Variants in TMEM8B observed in about 807,000 individuals in gnomAD.
TMEM8B encodes nasopharyngeal carcinoma expressed 6.
A neutral mutation model predicts 49.3 loss-of-function variants in TMEM8B; 29 were observed. The ratio of observed to expected loss-of-function variants is 0.59; its 90% confidence interval spans 0.44 to 0.80. The LOEUF (loss-of-function observed/expected upper bound fraction) is 0.80. TMEM8B is among the 30% of genes least tolerant of loss of function. The pLI is 0.00. For synonymous variants in TMEM8B, 264 were observed against 272.8 expected (o/e 0.97, Z 0.32); for missense variants, 575 against 658.5 (o/e 0.87, Z 1.39).
rs1260399456 is a variant in TMEM8B, at chr9:35,857,719, C to G, written c.*3879C>G. 1 of 152,190 alleles carries G rather than the reference C, an allele frequency of 6.6e-6. No individual in the cohort carries two copies. Among genetic ancestry groups the G allele is most frequent in the Non-Finnish European group, 1.5e-5 (1 of 68,054 alleles). The allele number at this position is 152,190 out of a possible 1,614,324, so 9.4% of individuals were successfully genotyped here. ...ACTATGAGTGATAAAAAGATTAGAC[C>G]TTTACAGTCATGGGAGCAGTTGGAG... On this transcript the variant is annotated 3_prime_UTR_variant, in exon 13 of 13. Coordinates refer to ENST00000643932, the MANE Select transcript of TMEM8B (RefSeq NM_001042590.4).
chr9:35,843,605 C>T (rs1041311850), intron 6 of TMEM8B, among the ~76,000 whole-genome samples: 6 of 152,208 alleles, frequency 3.9e-5, no homozygotes, highest in Admixed American at 1.3e-4. Context: ...TGTGGGATCA[C>T]CTAGGGCTTG....
chr9:35,853,049 G>T lies in TMEM8B; in HGVS notation c.2322+76G>T, dbSNP rs1207750636. 7 of 1,609,318 alleles carry T rather than the reference G, an allele frequency of 4.3e-6. No homozygotes were observed. The highest frequency in any genetic ancestry group is 1.7e-4 in the Middle Eastern group (1 of 6,042). ...ATCCACTCCTGACCTCTCCCTGGGG[G>T]CATTTCCAAGTGCCTCTCATGATTC... On this transcript the variant is annotated intron_variant, in intron 11 of 12. Coordinates refer to ENST00000643932, the MANE Select transcript of TMEM8B (RefSeq NM_001042590.4). The surrounding 1 kb of genome is among the most constrained non-coding windows in gnomAD (Gnocchi z 4.2).
At position 35,858,393 on chromosome 9, in the gene TMEM8B, C is replaced by G; in HGVS notation, c.*4553C>G. 1 of 152,450 alleles carries G rather than the reference C, an allele frequency of 6.6e-6. No individual in the cohort carries two copies. The highest frequency in any genetic ancestry group is 2.4e-5 in the African/African-American group (1 of 41,544). 9.4% of individuals were successfully genotyped at this position (152,450 alleles called of 1,614,324 possible). A position where few individuals can be genotyped will look rare whatever the true frequency, so the allele number is the denominator to read the frequency against. On this transcript the variant is annotated 3_prime_UTR_variant, in exon 13 of 13. Coordinates refer to ENST00000643932, the MANE Select transcript of TMEM8B (RefSeq NM_001042590.4). Reference sequence around the variant, plus strand: ...GGTATGAGCCACCACACCTGGCCCACTTTTGCCTTCCAAATCACATGCAAA... The same window carrying G: ...GGTATGAGCCACCACACCTGGCCCAGTTTTGCCTTCCAAATCACATGCAAA...
At chr9:35,833,345 T>C (rs1288137116) in intron 1 of TMEM8B, 1 of 985,162 alleles carries the variant, frequency 1.0e-6, no homozygotes, top group Non-Finnish European at 1.2e-6. Flanking sequence ...GGAGGTGTCA[T>C]CTTGGGCTTC....
intron 6 of TMEM8B, among the ~76,000 whole-genome samples, chr9:35,844,403 A>G (rs1831318373): frequency 6.6e-6 from 1 of 152,214 alleles, no homozygotes; most frequent in South Asian, 2.1e-4. Flanking sequence ...TCCCTGAGCC[A>G]GGGATCCTTT....
At chr9:35,852,744 C>A in intron 10 of TMEM8B, 83 bp from the exon 11 acceptor site, 1 of 1,544,860 alleles carries the variant, frequency 6.5e-7, no homozygotes, top group Non-Finnish European at 8.9e-7. Context: ...CAGCAGCACA[C>A]CACCCCTGGG....
chr9:35,829,672 G>T lies in TMEM8B; in HGVS notation c.225G>T (p.Gln75His). 2.5e-6 allele frequency: 1 copy of T among 401,778 alleles called. No individual in the cohort carries two copies. The highest frequency in any genetic ancestry group is 4.4e-6 in the Non-Finnish European group (1 of 226,770). The allele number at this position is 401,778 out of a possible 1,614,324, so 24.9% of individuals were successfully genotyped here. The change falls in exon 1 of 13, where the codon CAG becomes CAT. Residue 75 changes from glutamine (Q) to histidine (H), a missense_variant. Gln to His is a conservative substitution (Grantham distance 24). Transcript: ENST00000643932. ...PAQALSQPHSQCLLKALAQPR... is the reference protein window; with the variant it reads ...PAQALSQPHSHCLLKALAQPR... ...AGGCCCTGTCCCAGCCCCATTCCCA[G>T]TGTTTGCTTAAGGCCCTGGCTCAAC...
chr9:35,829,362 A>AC lies in TMEM8B; in HGVS notation c.-80dup, dbSNP rs1487554059. 4 of 341,326 alleles carry AC rather than the reference A, an allele frequency of 1.2e-5. No homozygotes were observed. The highest frequency in any genetic ancestry group is 4.3e-5 in the East Asian group (1 of 23,440). The allele number at this position is 341,326 out of a possible 1,614,324, so 21.1% of individuals were successfully genotyped here. On this transcript the variant is annotated 5_prime_UTR_variant, in exon 1 of 13. Transcript: ENST00000643932. ...CGGGCCCGCGAGGACACCGGAGGCC[A>AC]CCCCCCGGGGGTGGGGAGCGGAGCC...
chr9:35,830,069 T>C (rs972859055), intron 1 of TMEM8B, 114 bp downstream of exon 1: 5 of 403,946 alleles, frequency 1.2e-5, no homozygotes, highest in Non-Finnish European at 2.2e-5. Context: ...GGGGAGCAAG[T>C]GGGAGAAATA....
intron 6 of TMEM8B, chr9:35,845,719 T>G: frequency 1.0e-6 from 1 of 985,466 alleles, no homozygotes; most frequent in Non-Finnish European, 1.2e-6. Context: ...ATTGAAACAC[T>G]TCTGCCCAAA....
rs1411338750 is a variant in TMEM8B at position 35,834,535 on chromosome 9, G to A, written c.583G>A (p.Glu195Lys). Reference protein sequence around the residue: ...LSPFRSFASTELFHFHVPEDT... With the variant: ...LSPFRSFASTKLFHFHVPEDT... ...TCCTTTCCGCTCCTTTGCCAGCACC[G>A]AGCTCTTCCACTTCCATGTTCCTGA... Residue 195 changes from glutamate (E) to lysine (K), a missense_variant, in exon 2 of 13, where the codon GAG becomes AAG. Coordinates refer to ENST00000643932, the MANE Select transcript of TMEM8B (RefSeq NM_001042590.4). 9 of 415,398 alleles carry A rather than the reference G, an allele frequency of 2.2e-5. No homozygotes were observed. Among genetic ancestry groups the A allele is most frequent in the Non-Finnish European group, 8.8e-6 (2 of 226,344 alleles). The allele number at this position is 415,398 out of a possible 1,614,324, so 25.7% of individuals were successfully genotyped here.
At position 35,829,357 on chromosome 9, in the gene TMEM8B, A is replaced by C; in HGVS notation, c.-91A>C. The C allele has an allele frequency of 1.7e-5, 6 of 359,114 alleles. No homozygotes were observed. Among genetic ancestry groups the C allele is most frequent in the Non-Finnish European group, 3.0e-5 (6 of 203,012 alleles). 22.2% of individuals were successfully genotyped at this position (359,114 alleles called of 1,614,324 possible). A position where few individuals can be genotyped will look rare whatever the true frequency, so the allele number is the denominator to read the frequency against. ...CGCCCCGGGCCCGCGAGGACACCGG[A>C]GGCCACCCCCCGGGGGTGGGGAGCG... On this transcript the variant is annotated 5_prime_UTR_variant, in exon 1 of 13. Transcript: ENST00000643932.
chr9:35,835,819 G>A (rs1309929862), intron 3 of TMEM8B, among the ~76,000 whole-genome samples: 2 of 152,182 alleles, frequency 1.3e-5, no homozygotes, highest in African/African-American at 4.8e-5. Context: ...GCCACCCCAA[G>A]CACTTATTTC....
chr9:35,844,308 T>C (rs1831301883), intron 6 of TMEM8B, among the ~76,000 whole-genome samples: 1 of 152,258 alleles, frequency 6.6e-6, no homozygotes, highest in Non-Finnish European at 1.5e-5. Flanking sequence ...TTTTTGTACT[T>C]CTTAGTCATT....
chr9:35,852,735 A>G, intron 10 of TMEM8B, 92 bp from the exon 11 acceptor site: 4 of 1,450,956 alleles, frequency 2.8e-6, no homozygotes, highest in Non-Finnish European at 1.9e-6. Flanking sequence ...CTGCACTGAC[A>G]GCAGCACACC....
In TMEM8B at chr9:35,853,726, C is replaced by G; in HGVS notation, c.2661C>G (p.Val887=). The change falls in exon 13 of 13, where the codon GTC becomes GTG. Residue 887 remains valine (V), a synonymous_variant. Coordinates refer to ENST00000643932, the MANE Select transcript of TMEM8B (RefSeq NM_001042590.4). The surrounding 1 kb of genome is among the most constrained non-coding windows in gnomAD (Gnocchi z 4.2). The part of the protein sequence containing the change: ...LPPRAKTDHG[V]PSGARARGCG... ...CTCGTGCCAAGACTGACCACGGGGT[C>G]CCATCTGGAGCCCGGGCCCGGGGCT... is the stretch of plus-strand genomic sequence containing the variant. The G allele has an allele frequency of 6.2e-7, 1 of 1,613,988 alleles. No homozygotes were observed. The highest frequency in any genetic ancestry group is 8.5e-7 in the Non-Finnish European group (1 of 1,179,896).
chr9:35,829,402 C>A lies in TMEM8B; in HGVS notation c.-46C>A, dbSNP rs1410471326. On this transcript the variant is annotated 5_prime_UTR_variant, in exon 1 of 13. Transcript: ENST00000643932. ...GGAGCGGAGCCGCGGGCCAGCTCTG[C>A]GAGCGCCCCGCGCTGGCCTGTCCGG... 8.7e-6 allele frequency: 3 copies of A among 344,524 alleles called. No individual in the cohort carries two copies. Among genetic ancestry groups the A allele is most frequent in the Non-Finnish European group, 1.0e-5 (2 of 191,960 alleles). 21.3% of individuals were successfully genotyped at this position (344,524 alleles called of 1,614,324 possible).
At position 35,865,327 on chromosome 9, in the gene TMEM8B, G is replaced by A. The variant is rs1450512574; in HGVS notation, c.*11487G>A. The stretch of plus-strand genomic sequence containing the variant: ...TGCTTTGTAAGGTGGGAGACACCGA[G>A]TACAGGCGAGGGACTTTATTAGGTC... On this transcript the variant is annotated 3_prime_UTR_variant, in exon 13 of 13. Transcript: ENST00000643932. 1 of 152,192 alleles carries A rather than the reference G, an allele frequency of 6.6e-6. No individual in the cohort carries two copies. Among genetic ancestry groups the A allele is most frequent in the Non-Finnish European group, 1.5e-5 (1 of 68,042 alleles). The allele number at this position is 152,192 out of a possible 1,614,324, so 9.4% of individuals were successfully genotyped here.
chr9:35,845,711 T>G lies in TMEM8B; in HGVS notation c.1636-264T>G, dbSNP rs970101215. On this transcript the variant is annotated intron_variant, in intron 6 of 12. Transcript: ENST00000643932. ...GTGTTCTCTCTTGCTTGGACAGAAT[T>G]GAAACACTTCTGCCCAAAGAACAGA... is the stretch of plus-strand genomic sequence containing the variant. 2.8e-5 allele frequency: 28 copies of G among 985,356 alleles called. No homozygotes were observed. The African/African-American group carries it at 4.4e-4, about 15-fold the overall frequency. The allele number at this position is 985,356 out of a possible 1,614,324, so 61.0% of individuals were successfully genotyped here.
Sources: allele counts gnomAD v4.1 joint callset (sites outside exome capture counted in the v4.1 genomes callset), GRCh38; gene constraint gnomAD v4.1.1; non-coding constraint Gnocchi (gnomAD v3.1); transcripts MANE v1.5; gene names NCBI Gene and HGNC (gene_info 2026-07-23, HGNC 2026-07-21).